CALCR: variants seen among roughly 807,000 people sequenced by gnomAD.
CALCR encodes the protein calcitonin receptor.
A neutral mutation model predicts 59.5 loss-of-function variants in CALCR; 47 were observed. The ratio of observed to expected loss-of-function variants is 0.79; its 90% CI spans 0.63 to 1.01. The LOEUF (loss-of-function observed/expected upper bound fraction) is 1.01. Among genes scored for constraint, CALCR ranks in the 50% least tolerant of loss-of-function variants. The pLI is 0.00. For synonymous variants in CALCR, 213 were observed against 211.3 expected (o/e 1.01, Z -0.07); for missense variants, 566 against 597.1 (o/e 0.95, Z 0.54).
At chr7:93,539,454 G>C (rs6962312) in intron 2 of CALCR, among the ~76,000 whole-genome samples, 56,315 of 151,514 alleles carry the variant, frequency 0.37, 11,548 homozygotes, top group Non-Finnish European at 0.47. Context: ...ACTGAGAAAC[G>C]TAAATCATTG....
chr7:93,529,140 C>A (rs73421374), intron 2 of CALCR, among the ~76,000 whole-genome samples: 2,034 of 152,258 alleles, frequency 0.013, 37 homozygotes, highest in African/African-American at 0.047. Context: ...GAACTGTAAT[C>A]CCCAGTGCTG....
intron 2 of CALCR, among the ~76,000 whole-genome samples, chr7:93,545,977 C>T (rs1350521906): frequency 6.6e-6 from 1 of 152,010 alleles, no homozygotes; most frequent in African/African-American, 2.4e-5. Flanking sequence ...AGTACTCTCT[C>T]CCCTTACTGA....
In CALCR at chr7:93,549,873, G is replaced by C. The variant is rs192578354; in HGVS notation, c.-27+24416C>G. Among the ~76,000 whole-genome samples, 261 of 152,274 alleles carry C rather than the reference G, an allele frequency of 1.7e-3. 1 individual carries two copies. The highest frequency in any genetic ancestry group is 6.0e-3 in the African/African-American group (250 of 41,560). On this transcript the variant is annotated intron_variant, in intron 2 of 13. Coordinates refer to ENST00000426151, the MANE Select transcript of CALCR (RefSeq NM_001742.4). ...GCTAACCTATCCAAAATGACCACAT[G>C]CTGCTGATAGAGCAGTGCTTTAAAC... is the stretch of plus-strand genomic sequence containing the variant.
At chr7:93,553,678 GTGT>G (rs932630646) in intron 2 of CALCR, among the ~76,000 whole-genome samples, 2 of 152,114 alleles carry the variant, frequency 1.3e-5, no homozygotes, top group African/African-American at 2.4e-5. Flanking sequence ...TATATTTATA[GTGT>G]TGTTATGATG....
intron 13 of CALCR, among the ~76,000 whole-genome samples, chr7:93,427,470 G>A (rs1478330728): frequency 2.0e-5 from 3 of 152,108 alleles, no homozygotes; most frequent in African/African-American, 2.4e-5. Context: ...CTATTGCTCA[G>A]TACATACAAC....
At chr7:93,515,101 C>T (rs1162141908) in intron 2 of CALCR, among the ~76,000 whole-genome samples, 1 of 151,952 alleles carries the variant, frequency 6.6e-6, no homozygotes, top group South Asian at 2.1e-4. Flanking sequence ...TCTTCATACC[C>T]TCTAGATAAA....
At chr7:93,440,114 A>G (rs10256181) in intron 9 of CALCR, among the ~76,000 whole-genome samples, 44,774 of 151,980 alleles carry the variant, frequency 0.29, 7,265 homozygotes, top group African/African-American at 0.4. Flanking sequence ...TGGGCTTTAC[A>G]TCACCTGCAA....
chr7:93,472,359 G>T lies in CALCR; in HGVS notation c.429+16C>A. 1 of 1,412,574 alleles carries T rather than the reference G, an allele frequency of 7.1e-7. No homozygotes were observed. The highest frequency in any genetic ancestry group is 1.0e-6 in the Non-Finnish European group (1 of 1,000,472). 87.5% of individuals were successfully genotyped at this position (1,412,574 alleles called of 1,614,324 possible). ...TGACATTCTCACTCAATACTGAAAC[G>T]TGAAAAAGAACCTACCTTCAGTTTC... is the stretch of plus-strand genomic sequence containing the variant. On this transcript the variant is annotated intron_variant, in intron 6 of 13. Coordinates refer to ENST00000426151, the MANE Select transcript of CALCR (RefSeq NM_001742.4).
intron 2 of CALCR, among the ~76,000 whole-genome samples, chr7:93,529,020 T>C (rs976262222): frequency 1.3e-5 from 2 of 152,230 alleles, no homozygotes; most frequent in Non-Finnish European, 2.9e-5. Flanking sequence ...TATGAATGCA[T>C]ATTGCATGCA....
intron 2 of CALCR, among the ~76,000 whole-genome samples, chr7:93,573,261 C>T (rs530704515): frequency 2.6e-5 from 4 of 152,276 alleles, no homozygotes; most frequent in Admixed American, 2.0e-4. Context: ...GGCCCAAATA[C>T]ATAAAATATT....
chr7:93,548,562 G>T (rs957282065), intron 2 of CALCR, among the ~76,000 whole-genome samples: 2 of 151,596 alleles, frequency 1.3e-5, no homozygotes, highest in Admixed American at 6.6e-5. Flanking sequence ...CAGCAATGAG[G>T]TCAGAAAAAA....
rs781540723 is a variant in CALCR at position 93,443,607 on chromosome 7, AGCCCAAGAGATAATACC to A, written c.782_798del (p.Trp261LeufsTer21). On this transcript the variant is annotated frameshift_variant, in exon 9 of 14. Coordinates refer to ENST00000426151, the MANE Select transcript of CALCR (RefSeq NM_001742.4). LOFTEE classifies it high-confidence loss of function. Reference sequence around the variant, plus strand: ...CTTAGCTGCAGAAAATACATACCCCAGCCCAAGAGATAATACCACCGCAAGCGTTGCTTCTCAGTAAA... The same window carrying A: ...CTTAGCTGCAGAAAATACATACCCCAACCGCAAGCGTTGCTTCTCAGTAAA... 12 of 1,612,850 alleles carry A rather than the reference AGCCCAAGAGATAATACC, an allele frequency of 7.4e-6. No individual in the cohort carries two copies. Among genetic ancestry groups the A allele is most frequent in the African/African-American group, 1.3e-5 (1 of 74,954 alleles).
chr7:93,447,060 C>G (rs1295632620), intron 8 of CALCR, among the ~76,000 whole-genome samples: 1 of 151,976 alleles, frequency 6.6e-6, no homozygotes, highest in African/African-American at 2.4e-5. Flanking sequence ...ATTCAGTGCC[C>G]TTACTACCAG....
intron 2 of CALCR, among the ~76,000 whole-genome samples, chr7:93,564,456 C>CT (rs1315579732): frequency 9.0e-4 from 136 of 150,918 alleles, no homozygotes; most frequent in African/African-American, 2.8e-3. Context: ...TGATACTACA[C>CT]TTTTAAAAAA....
intron 11 of CALCR, 73 bp downstream of exon 11, chr7:93,437,987 A>ATAGAAC (rs1157210456): frequency 4.2e-6 from 5 of 1,192,682 alleles, no homozygotes; most frequent in Non-Finnish European, 6.2e-6. Flanking sequence ...CATATGATAC[A>ATAGAAC]TAGAACTATA....
chr7:93,474,747 G>A (rs1800630286), intron 5 of CALCR, among the ~76,000 whole-genome samples: 1 of 151,702 alleles, frequency 6.6e-6, no homozygotes, highest in African/African-American at 2.4e-5. Context: ...TTTTGCAAGT[G>A]TATTTGGAAT....
rs554660109 is a variant in CALCR at position 93,520,811 on chromosome 7, T to C, written c.-26-33804A>G. ...TGGGGCCAATTTTTTTATGAACTCTTTTACTTTGAGTTCTATTGAATTTAA... is the reference window on the plus strand; with the variant it reads ...TGGGGCCAATTTTTTTATGAACTCTCTTACTTTGAGTTCTATTGAATTTAA... On this transcript the variant is annotated intron_variant, in intron 2 of 13. Coordinates refer to ENST00000426151, the MANE Select transcript of CALCR (RefSeq NM_001742.4). Among the ~76,000 whole-genome samples the C allele has an allele frequency of 2.0e-5, 3 of 152,248 alleles. 1 individual carries two copies. Among genetic ancestry groups the C allele is most frequent in the African/African-American group, 7.2e-5 (3 of 41,564 alleles).
intron 9 of CALCR, chr7:93,441,558 G>C (rs752762900): frequency 9.5e-5 from 40 of 422,548 alleles, no homozygotes; most frequent in South Asian, 2.4e-4. Flanking sequence ...GGCTAAAAGA[G>C]AAAAAAAAAA....
chr7:93,536,289 C>T (rs1788982794), intron 2 of CALCR, among the ~76,000 whole-genome samples: 2 of 151,746 alleles, frequency 1.3e-5, no homozygotes, highest in South Asian at 2.1e-4. Context: ...TACTTTGTCA[C>T]TAGGCCTAGC....
Sources: gnomAD v4.1 joint callset for allele counts (sites outside exome capture counted in the v4.1 genomes callset) on GRCh38, gnomAD v4.1.1 for gene constraint, MANE v1.5 for transcripts, NCBI Gene and HGNC (gene_info 2026-07-23, HGNC 2026-07-21) for gene names.